The following HCRTR2 variants were observed in gnomAD, a reference collection of about 807,000 sequenced individuals.
HCRTR2 encodes the protein orexin receptor type 2.
In HCRTR2, 22 loss-of-function variants were observed where a neutral mutation model predicts 49.0. The observed-to-expected ratio is 0.45, with a 90% CI of 0.32 to 0.64. The LOEUF is 0.64. Ranked by LOEUF, HCRTR2 falls within the 30% of genes least tolerant of loss-of-function variation. The probability of loss-of-function intolerance (pLI) is 0.04; values close to 1 mark genes in which losing one functional copy is unlikely to be tolerated. For missense variants in HCRTR2, 491 were observed against 559.4 expected (o/e 0.88, Z 1.23); for synonymous variants, 236 against 205.3 (o/e 1.15, Z -1.28).
chr6:55,162,937 C>T (rs551189139), intron 1 of HCRTR2, among the ~76,000 whole-genome samples: 60 of 152,174 alleles, frequency 3.9e-4, no homozygotes, highest in Non-Finnish European at 7.9e-4. Flanking sequence ...AAGCTACCAC[C>T]GAATTTCTTC....
intron 4 of HCRTR2, among the ~76,000 whole-genome samples, chr6:55,273,973 C>A: frequency 6.7e-6 from 1 of 149,478 alleles, no homozygotes. Flanking sequence ...GTCTTGCAAC[C>A]AAAGTTTAAA....
intron 4 of HCRTR2, among the ~76,000 whole-genome samples, chr6:55,276,705 A>G (rs1767082275): frequency 6.6e-6 from 1 of 152,224 alleles, no homozygotes; most frequent in Non-Finnish European, 1.5e-5. Context: ...TACAAATTCC[A>G]GCTATTTGAA....
chr6:55,137,275 C>T (rs1047870814), intron 1 of HCRTR2, among the ~76,000 whole-genome samples: 1 of 152,130 alleles, frequency 6.6e-6, no homozygotes, highest in South Asian at 2.1e-4. Context: ...ATGCTAGCCA[C>T]CTTTAAAGTG....
intron 3 of HCRTR2, among the ~76,000 whole-genome samples, chr6:55,261,754 G>C (rs376739712): frequency 2.6e-5 from 4 of 152,130 alleles, no homozygotes; most frequent in African/African-American, 9.7e-5. Flanking sequence ...TCTACTATTT[G>C]ATCCATCAAT....
At chr6:55,160,721 A>C (rs533156858) in intron 1 of HCRTR2, among the ~76,000 whole-genome samples, 1 of 152,332 alleles carries the variant, frequency 6.6e-6, no homozygotes, top group African/African-American at 2.4e-5. Context: ...ACCAACAAAG[A>C]TCAAAAGAGA....
intron 1 of HCRTR2, among the ~76,000 whole-genome samples, chr6:55,142,429 C>T (rs1003055209): frequency 6.7e-6 from 1 of 149,710 alleles, no homozygotes; most frequent in Non-Finnish European, 1.5e-5. Context: ...AGGATGGTCT[C>T]GATCTCCTGA....
At chr6:55,116,360 T>G (rs1764115677) in intron 1 of HCRTR2, among the ~76,000 whole-genome samples, 1 of 151,680 alleles carries the variant, frequency 6.6e-6, no homozygotes, top group African/African-American at 2.4e-5. Context: ...TCGATGTATT[T>G]AGATTTAATT....
At chr6:55,164,944 C>T (rs547819691) in intron 1 of HCRTR2, among the ~76,000 whole-genome samples, 12 of 152,076 alleles carry the variant, frequency 7.9e-5, no homozygotes, top group African/African-American at 2.7e-4. Context: ...ATTCAGACTT[C>T]TATCAGATAA....
chr6:55,240,553 G>C (rs1028972671), intron 1 of HCRTR2, among the ~76,000 whole-genome samples: 4 of 152,102 alleles, frequency 2.6e-5, no homozygotes, highest in African/African-American at 9.7e-5. Flanking sequence ...AAGGTGTGTA[G>C]GTGGAGAATG....
chr6:55,256,013 A>G (rs1766646266), intron 3 of HCRTR2, among the ~76,000 whole-genome samples: 2 of 152,188 alleles, frequency 1.3e-5, no homozygotes, highest in South Asian at 4.1e-4. Context: ...AAATTTAAGC[A>G]ATCAGGTTTG....
chr6:55,177,151 C>G (rs941082271), intron 1 of HCRTR2, among the ~76,000 whole-genome samples: 10 of 152,284 alleles, frequency 6.6e-5, no homozygotes, highest in African/African-American at 2.4e-4. Flanking sequence ...AGGAAGATAG[C>G]ACTGTCCACA....
intron 1 of HCRTR2, 97 bp downstream of exon 1, chr6:55,174,907 C>A: frequency 1.1e-6 from 1 of 894,318 alleles, no homozygotes; most frequent in Non-Finnish European, 1.9e-6. Flanking sequence ...CCCCGGGAAG[C>A]AAACAAAGAG....
At chr6:55,224,970 G>A (rs1281004643) in intron 1 of HCRTR2, among the ~76,000 whole-genome samples, 4 of 152,112 alleles carry the variant, frequency 2.6e-5, no homozygotes, top group Non-Finnish European at 5.9e-5. Context: ...ACAATATTTT[G>A]TATCCTCAAA....
intron 1 of HCRTR2, among the ~76,000 whole-genome samples, chr6:55,117,025 A>G (rs1345213552): frequency 6.6e-6 from 1 of 151,828 alleles, no homozygotes; most frequent in Non-Finnish European, 1.5e-5. Flanking sequence ...TGAAAAACCT[A>G]CATGTACAGT....
intron 4 of HCRTR2, among the ~76,000 whole-genome samples, chr6:55,272,953 A>T (rs529576394): frequency 6.6e-6 from 1 of 151,248 alleles, no homozygotes; most frequent in Admixed American, 6.6e-5. Flanking sequence ...GCATAGTGAG[A>T]AGATCAGTTA....
At chr6:55,222,654 C>T (rs1765921113) in intron 1 of HCRTR2, among the ~76,000 whole-genome samples, 1 of 152,020 alleles carries the variant, frequency 6.6e-6, no homozygotes, top group South Asian at 2.1e-4. Flanking sequence ...ACCTTGAGGA[C>T]CTTATACTAA....
intron 1 of HCRTR2, among the ~76,000 whole-genome samples, chr6:55,225,026 A>C (rs1195721977): frequency 6.6e-6 from 1 of 152,210 alleles, no homozygotes; most frequent in Non-Finnish European, 1.5e-5. Context: ...AAAAACTGAT[A>C]ATTATGTGAG....
intron 1 of HCRTR2, among the ~76,000 whole-genome samples, chr6:55,130,979 G>A (rs191304475): frequency 4.5e-4 from 69 of 151,930 alleles, no homozygotes; most frequent in Non-Finnish European, 8.3e-4. Context: ...AAGAACTAGA[G>A]CTAGGTGAAT....
At chr6:55,115,857 AT>A (rs201608360) in intron 1 of HCRTR2, among the ~76,000 whole-genome samples, 1 of 151,182 alleles carries the variant, frequency 6.6e-6, no homozygotes, top group South Asian at 2.1e-4. Context: ...ATATATATAT[AT>A]ATTTGTATTT....
Sources: allele counts gnomAD v4.1 joint callset (sites outside exome capture counted in the v4.1 genomes callset), GRCh38; gene constraint gnomAD v4.1.1; transcripts MANE v1.5; gene names NCBI Gene and HGNC (gene_info 2026-07-23, HGNC 2026-07-21).